TMPRSS11B: variants seen among roughly 807,000 people sequenced by gnomAD.
TMPRSS11B encodes the protein transmembrane protease serine 11B.
In TMPRSS11B, 53 loss-of-function variants were observed where a neutral mutation model predicts 44.7. The ratio of observed to expected loss-of-function variants is 1.19; its 90% CI spans 0.95 to 1.49. TMPRSS11B has a LOEUF of 1.49. Among genes scored for constraint, TMPRSS11B ranks in the 40% most tolerant of loss-of-function variants. The pLI is 0.00. For missense variants in TMPRSS11B, 526 were observed against 494.8 expected (o/e 1.06, Z -0.60); for synonymous variants, 140 against 159.2 (o/e 0.88, Z 0.91).
Position 68,236,199 on chromosome 4 carries a change from G to A in TMPRSS11B, c.192C>T (p.Asn64=), listed in dbSNP as rs777872716. The A allele has an allele frequency of 9.3e-6, 15 of 1,612,120 alleles. No homozygotes were observed. Among genetic ancestry groups the A allele is most frequent in the East Asian group, 8.9e-5 (4 of 44,796 alleles). Residue 64 remains asparagine, a synonymous_variant, in exon 3 of 10, where the codon AAC becomes AAT. Coordinates refer to ENST00000332644, the MANE Select transcript of TMPRSS11B (RefSeq NM_182502.3). ...GATTTGTGCTGGCTTGTGAAGCTGC[G>A]TTTTCACAATTATCATTGTATGTGA... ...SGVTYNDNCE[N]AASQASTNLS... is the part of the protein sequence containing the mutation.
At position 68,227,866 on chromosome 4, in the gene TMPRSS11B, T is replaced by G; in HGVS notation, c.*45A>C. The G allele has an allele frequency of 1.4e-6, 2 of 1,432,270 alleles. No individual in the cohort carries two copies. The highest frequency in any genetic ancestry group is 1.8e-6 in the Non-Finnish European group (2 of 1,087,284). 88.7% of individuals were successfully genotyped at this position (1,432,270 alleles called of 1,614,324 possible). ...AAGATCCCAAAGCCACAGATAAGGATAGCCTACAGTGGTCTTTATGTTCCT... is the reference window on the plus strand; with the variant it reads ...AAGATCCCAAAGCCACAGATAAGGAGAGCCTACAGTGGTCTTTATGTTCCT... On this transcript the variant is annotated 3_prime_UTR_variant, in exon 10 of 10. Transcript: ENST00000332644.
chr4:68,228,196 T>G, intron 9 of TMPRSS11B, 124 bp from the exon 10 acceptor site: 1 of 896,256 alleles, frequency 1.1e-6, no homozygotes, highest in Non-Finnish European at 1.6e-6. Flanking sequence ...CTTAGAACTC[T>G]GAAACCCTTA....
intron 2 of TMPRSS11B, 68 bp downstream of exon 2, chr4:68,241,621 T>C: frequency 1.0e-6 from 1 of 970,496 alleles, no homozygotes; most frequent in Non-Finnish European, 1.6e-6. Flanking sequence ...GTTCATGTTG[T>C]TTTTTTTCAA....
At chr4:68,238,733 A>G (rs1461382480) in intron 2 of TMPRSS11B, among the ~76,000 whole-genome samples, 1 of 150,150 alleles carries the variant, frequency 6.7e-6, no homozygotes, top group South Asian at 2.1e-4. Flanking sequence ...TCTCCAAAAA[A>G]CAAAACAAAA....
rs1476226884 is a variant in TMPRSS11B, at chr4:68,229,242, T to C, written c.946+15A>G. On this transcript the variant is annotated intron_variant, in intron 8 of 9. Coordinates refer to ENST00000332644, the MANE Select transcript of TMPRSS11B (RefSeq NM_182502.3). ...TATTCCCATGCAGCTATTATGATTTTACAAAAAAACTTACCATTCATATAA... is the reference window on the plus strand; with the variant it reads ...TATTCCCATGCAGCTATTATGATTTCACAAAAAAACTTACCATTCATATAA... 1.9e-6 allele frequency: 3 copies of C among 1,577,780 alleles called. No homozygotes were observed. Among genetic ancestry groups the C allele is most frequent in the Non-Finnish European group, 2.6e-6 (3 of 1,162,768 alleles).
rs1170577237 is a variant in TMPRSS11B at position 68,228,030 on chromosome 4, T to A, written c.1132A>T (p.Ile378Phe). Reference protein sequence around the residue: ...GPLAYPDSRNIWHLVGIVSWG... With the variant: ...GPLAYPDSRNFWHLVGIVSWG... ...CTTACTATTCCAACAAGATGCCAGA[T>A]ATTTCTGGAATCAGGGTAAGCTAGT... The change falls in exon 10 of 10, where the codon ATC becomes TTC. Residue 378 changes from isoleucine to phenylalanine, a missense_variant. By Grantham distance (21) the Ile-to-Phe change is conservative (BLOSUM62 0). Coordinates refer to ENST00000332644, the MANE Select transcript of TMPRSS11B (RefSeq NM_182502.3). The A allele has an allele frequency of 5.6e-6, 9 of 1,613,544 alleles. No individual in the cohort carries two copies. Among genetic ancestry groups the A allele is most frequent in the Non-Finnish European group, 5.9e-6 (7 of 1,179,862 alleles).
intron 2 of TMPRSS11B, among the ~76,000 whole-genome samples, chr4:68,237,450 G>T (rs533566510): frequency 8.5e-5 from 13 of 152,176 alleles, no homozygotes; most frequent in African/African-American, 3.1e-4. Flanking sequence ...CATCCTTTGG[G>T]TATATACTCA....
intron 1 of TMPRSS11B, 111 bp downstream of exon 1, chr4:68,245,440 A>G: frequency 1.7e-6 from 2 of 1,168,544 alleles, no homozygotes; most frequent in Admixed American, 1.7e-5. Flanking sequence ...AACAGTGTCC[A>G]GGAATAAAAA....
chr4:68,237,030 C>A (rs532016057), intron 2 of TMPRSS11B, among the ~76,000 whole-genome samples: 77 of 151,702 alleles, frequency 5.1e-4, no homozygotes, highest in Non-Finnish European at 7.8e-4. Flanking sequence ...TAGTGGTTTG[C>A]TGTACCCATC....
At chr4:68,240,176 A>G (rs745802647) in intron 2 of TMPRSS11B, among the ~76,000 whole-genome samples, 2 of 152,208 alleles carry the variant, frequency 1.3e-5, no homozygotes, top group African/African-American at 2.4e-5. Context: ...AGCTAATTTC[A>G]TACCACTTAA....
At chr4:68,228,548 C>A (rs1719417022) in intron 9 of TMPRSS11B, among the ~76,000 whole-genome samples, 194 bp downstream of exon 9, 1 of 152,160 alleles carries the variant, frequency 6.6e-6, no homozygotes, top group Non-Finnish European at 1.5e-5. Context: ...TTCGTGAGGG[C>A]AGGATTGTGT....
In TMPRSS11B at chr4:68,241,695, C is replaced by A. The variant is rs374467762; in HGVS notation, c.118G>T (p.Ala40Ser). The change falls in exon 2 of 10, where the codon GCA becomes TCA. Residue 40 changes from alanine to serine, a missense_variant. Coordinates refer to ENST00000332644, the MANE Select transcript of TMPRSS11B (RefSeq NM_182502.3). ...GAAAATAATCAGTACTCACCAACTG[C>A]CAGAAAATGAACAAGAAGACCAATG... is the stretch of plus-strand genomic sequence containing the variant. ...VTIGLLVHFLAVEKTYYYQGD... is the reference protein window; with the variant it reads ...VTIGLLVHFLSVEKTYYYQGD... 29 of 1,605,564 alleles carry A rather than the reference C, an allele frequency of 1.8e-5. No homozygotes were observed. Among genetic ancestry groups the A allele is most frequent in the Non-Finnish European group, 2.3e-5 (27 of 1,173,166 alleles).
In TMPRSS11B at chr4:68,226,743, G is replaced by T. The variant is rs1258812892; in HGVS notation, c.*1168C>A. On this transcript the variant is annotated 3_prime_UTR_variant, in exon 10 of 10. Transcript: ENST00000332644. ...GAAAATTACATAAGGTAAATTATTT[G>T]TAGAGATTACAAAGTTAGCCATCCA... is the stretch of plus-strand genomic sequence containing the variant. The T allele has an allele frequency of 6.6e-6, 1 of 152,164 alleles. No individual in the cohort carries two copies. Among genetic ancestry groups the T allele is most frequent in the Non-Finnish European group, 1.5e-5 (1 of 68,022 alleles). 9.4% of individuals were successfully genotyped at this position (152,164 alleles called of 1,614,324 possible).
At chr4:68,231,530 G>T in intron 6 of TMPRSS11B, 150 bp from the exon 7 acceptor site, 1 of 746,534 alleles carries the variant, frequency 1.3e-6, no homozygotes, top group Non-Finnish European at 2.1e-6. Context: ...CTCCTGTGAT[G>T]TTTCTGTATT....
intron 2 of TMPRSS11B, among the ~76,000 whole-genome samples, chr4:68,236,879 A>G (rs1169745550): frequency 6.6e-6 from 1 of 151,554 alleles, no homozygotes. Context: ...CCTGGTTTCC[A>G]TTCCTTGATG....
intron 5 of TMPRSS11B, among the ~76,000 whole-genome samples, chr4:68,233,885 A>G (rs1560442233): frequency 6.6e-6 from 1 of 151,846 alleles, no homozygotes; most frequent in Admixed American, 6.6e-5. Context: ...AAAGAAAGAT[A>G]CTTTGCCTGG....
At chr4:68,244,185 C>T (rs1381388327) in intron 1 of TMPRSS11B, among the ~76,000 whole-genome samples, 1 of 152,134 alleles carries the variant, frequency 6.6e-6, no homozygotes, top group Non-Finnish European at 1.5e-5. Context: ...ACACTTTTTT[C>T]TAAAGGTAGC....
intron 5 of TMPRSS11B, among the ~76,000 whole-genome samples, chr4:68,232,761 A>G (rs1719551072): frequency 6.6e-6 from 1 of 152,192 alleles, no homozygotes; most frequent in Non-Finnish European, 1.5e-5. Context: ...CACAACGTGC[A>G]GGTTTGTGAC....
intron 6 of TMPRSS11B, 44 bp downstream of exon 6, chr4:68,232,334 C>T (rs758633397): frequency 6.4e-7 from 1 of 1,565,060 alleles, no homozygotes. Flanking sequence ...TGAGAAAATA[C>T]CTGTGAGTCC....
Sources: allele counts gnomAD v4.1 joint callset (sites outside exome capture counted in the v4.1 genomes callset), GRCh38; gene constraint gnomAD v4.1.1; transcripts MANE v1.5; gene names NCBI Gene and HGNC (gene_info 2026-07-23, HGNC 2026-07-21).